The following PCF11 variants were observed in gnomAD, a reference collection of about 807,000 sequenced individuals.
PCF11 encodes pre-mRNA cleavage complex 2 protein Pcf11.
PCF11 carries 19 observed loss-of-function variants against 166.1 expected under a neutral mutation model. The ratio of observed to expected loss-of-function variants is 0.11; its 90% CI spans 0.08 to 0.17. PCF11 has a LOEUF of 0.17. Among genes scored for constraint, PCF11 ranks in the 10% least tolerant of loss-of-function variants. PCF11 has a pLI of 1.00. For missense variants in PCF11, 1,565 were observed against 1,855.5 expected (o/e 0.84, Z 2.88); for synonymous variants, 663 against 644.1 (o/e 1.03, Z -0.44).
chr11:83,163,593 G>C, intron 2 of PCF11, 86 bp from the exon 3 acceptor site: 1 of 454,976 alleles, frequency 2.2e-6, no homozygotes, highest in Non-Finnish European at 3.8e-6. Context: ...TGTATGTGAA[G>C]TAGAGCAGAT....
Position 83,185,111 on chromosome 11 carries a change from T to C in PCF11, c.*217T>C. 9.6e-6 allele frequency: 4 copies of C among 418,618 alleles called. No homozygotes were observed. The South Asian group carries it at 2.0e-4, about 21-fold the overall frequency. 25.9% of individuals were successfully genotyped at this position (418,618 alleles called of 1,614,324 possible). A position where few individuals can be genotyped will look rare whatever the true frequency, so the allele number is the denominator to read the frequency against. On this transcript the variant is annotated 3_prime_UTR_variant, in exon 16 of 16. Transcript: ENST00000298281. ...TTGTTGTGTGAAAGTTCTGTAGATG[T>C]GTGCAAATTTAACGAAATGAAATTG...
At chr11:83,184,587 C>T in intron 15 of PCF11, 92 bp from the exon 16 acceptor site, 1 of 831,540 alleles carries the variant, frequency 1.2e-6, no homozygotes, top group Non-Finnish European at 1.9e-6. Context: ...TGTGTGTTCT[C>T]TTGTTCATAC....
chr11:83,168,464 G>A (rs562623910), exon 8 of PCF11: 22 of 1,608,822 alleles, frequency 1.4e-5, no homozygotes, highest in Middle Eastern at 3.3e-4. Context: ...TTCAATGATC[G>A]TTTTCCACTT....
At chr11:83,157,408 T>G (rs968687037) in exon 1 of PCF11, 19 of 1,594,116 alleles carry the variant, frequency 1.2e-5, no homozygotes, top group Non-Finnish European at 1.4e-5. Flanking sequence ...CAGCTTCAGC[T>G]GCAGCGGACC....
chr11:83,182,525 A>G, intron 14 of PCF11, 34 bp downstream of exon 14: 2 of 1,068,354 alleles, frequency 1.9e-6, no homozygotes, highest in East Asian at 4.7e-5. Context: ...AAGTGTTAAG[A>G]TTAGTGTTTT....
intron 1 of PCF11, 59 bp from the exon 2 acceptor site, chr11:83,161,268 T>C: frequency 1.4e-6 from 2 of 1,420,610 alleles, no homozygotes; most frequent in Non-Finnish European, 9.6e-7. Context: ...AAACTCATTT[T>C]TAAATAATTA....
intron 5 of PCF11, 131 bp from the exon 6 acceptor site, chr11:83,166,994 A>G (rs568691409): frequency 2.7e-6 from 2 of 733,796 alleles, no homozygotes; most frequent in South Asian, 2.0e-5. Context: ...GCTCTTAATC[A>G]TTTATTTAAT....
intron 1 of PCF11, chr11:83,158,436 TCTTC>T (rs1445727346): frequency 4.6e-5 from 7 of 152,238 alleles, no homozygotes; most frequent in Non-Finnish European, 8.8e-5. Context: ...TCCCTCCTCC[TCTTC>T]CTTTTCTCTT....
At chr11:83,170,296 A>C (rs1410255394) in intron 8 of PCF11, among the ~76,000 whole-genome samples, 1 of 152,068 alleles carries the variant, frequency 6.6e-6, no homozygotes, top group Non-Finnish European at 1.5e-5. Context: ...GATATTATAC[A>C]ATTGTGTGTC....
At chr11:83,168,188 A>T (rs1359546747) in intron 7 of PCF11, among the ~76,000 whole-genome samples, 3 of 152,208 alleles carry the variant, frequency 2.0e-5, no homozygotes, top group African/African-American at 7.2e-5. Context: ...AGGAAATAAA[A>T]GAGAGGTTAA....
At chr11:83,185,579 ATATATT>A (rs993499529) in exon 16 of PCF11, 4 of 152,338 alleles carry the variant, frequency 2.6e-5, no homozygotes, top group African/African-American at 7.3e-5. Context: ...CAATTAACAA[ATATATT>A]TAAGTACTAA....
At chr11:83,166,665 A>G in exon 5 of PCF11, 1 of 1,604,564 alleles carries the variant, frequency 6.2e-7, no homozygotes, top group African/African-American at 1.4e-5. Context: ...AAACTGGCAA[A>G]GTTCCAAGTC....
At chr11:83,178,997 G>A (rs1199074526) in intron 11 of PCF11, among the ~76,000 whole-genome samples, 2 of 151,810 alleles carry the variant, frequency 1.3e-5, no homozygotes, top group African/African-American at 4.8e-5. Context: ...GATTTTTCTA[G>A]TGAATAAATT....
At chr11:83,164,476 T>A in intron 4 of PCF11, 75 bp downstream of exon 4, 1 of 1,047,046 alleles carries the variant, frequency 9.6e-7, no homozygotes. Flanking sequence ...ATGTTTGAAT[T>A]TTATTAACAT....
chr11:83,157,593 A>C, exon 1 of PCF11: 1 of 1,614,004 alleles, frequency 6.2e-7, no homozygotes, highest in Non-Finnish European at 8.5e-7. Context: ...GCCCTTCGCC[A>C]AGGAGATCGT....
rs151331668 is a variant in PCF11 at position 83,176,990 on chromosome 11, A to G, written c.3758-95A>G. ...ATTTACTGTTGGCAGGACATCTTGA[A>G]GAAAACTTTGAAAAATGCTTAGTAT... On this transcript the variant is annotated intron_variant, in intron 9 of 15. Transcript: ENST00000298281. The G allele has an allele frequency of 3.1e-4, 262 of 853,072 alleles. 1 individual carries two copies. The African/African-American group carries it at 4.1e-3, about 13-fold the overall frequency. The allele number at this position is 853,072 out of a possible 1,614,324, so 52.8% of individuals were successfully genotyped here.
intron 1 of PCF11, among the ~76,000 whole-genome samples, 196 bp from the exon 2 acceptor site, chr11:83,161,131 C>G (rs569494331): frequency 6.6e-6 from 1 of 152,244 alleles, no homozygotes; most frequent in Admixed American, 6.5e-5. Flanking sequence ...CCTGGTAATT[C>G]TGAGCTTTTT....
At chr11:83,159,357 CA>C (rs1860137923) in intron 1 of PCF11, among the ~76,000 whole-genome samples, 1 of 152,124 alleles carries the variant, frequency 6.6e-6, no homozygotes, top group African/African-American at 2.4e-5. Flanking sequence ...GTTTTTAAGG[CA>C]AAAACATTGA....
exon 16 of PCF11, chr11:83,184,917 TTC>T (rs1403175584): frequency 1.3e-6 from 2 of 1,485,646 alleles, no homozygotes; most frequent in Non-Finnish European, 1.8e-6. Flanking sequence ...AGGTATGTTT[TTC>T]TTTTTTAAAA....
Sources: allele counts gnomAD v4.1 joint callset (sites outside exome capture counted in the v4.1 genomes callset), GRCh38; gene constraint gnomAD v4.1.1; transcripts MANE v1.5; gene names NCBI Gene and HGNC (gene_info 2026-07-23, HGNC 2026-07-21).